ABCC3: variants seen among roughly 807,000 people sequenced by gnomAD.
The protein encoded by ABCC3 is ATP binding cassette subfamily C member 3.
ABCC3 carries 121 observed loss-of-function variants against 165.3 expected under a neutral mutation model. The observed-to-expected ratio is 0.73, with a 90% CI of 0.63 to 0.85. ABCC3 has a LOEUF of 0.85. ABCC3 is among the 40% of genes least tolerant of loss of function. The pLI is 0.00. For synonymous variants in ABCC3, 733 were observed against 810.1 expected (o/e 0.90, Z 1.62); for missense variants, 1,869 against 1,964.1 (o/e 0.95, Z 0.92).
Position 50,683,770 on chromosome 17 carries a change from A to T in ABCC3, c.3954+14A>T. On this transcript the variant is annotated intron_variant, in intron 27 of 30. Coordinates refer to ENST00000285238, the MANE Select transcript of ABCC3 (RefSeq NM_003786.4). ...GGTGGCGAGAAGGTACGCGTGGGGT[A>T]GGCGGGCCTGCGTGTGTGTTCATGC... The T allele has an allele frequency of 1.3e-6, 2 of 1,599,606 alleles. No homozygotes were observed. Among genetic ancestry groups the T allele is most frequent in the Non-Finnish European group, 1.7e-6 (2 of 1,174,906 alleles).
At chr17:50,655,504 G>A (rs922451872) in intron 1 of ABCC3, among the ~76,000 whole-genome samples, 1 of 151,448 alleles carries the variant, frequency 6.6e-6, no homozygotes, top group Admixed American at 6.6e-5. Flanking sequence ...AGGACCATAA[G>A]GTAACATGGG....
Position 50,663,726 on chromosome 17 carries a change from G to C in ABCC3, c.1044G>C (p.Trp348Cys). Residue 348 changes from tryptophan to cysteine, a missense_variant, in exon 9 of 31, where the codon TGG (tryptophan) becomes TGC (cysteine). Coordinates refer to ENST00000285238, the MANE Select transcript of ABCC3 (RefSeq NM_003786.4). The part of the protein sequence containing the change: ...FISNPMAPSW[W>C]GFLVAGLMFL... Reference sequence around the variant, plus strand: ...CCAACCCCATGGCCCCCTCCTGGTGGGGCTTCCTGGTGGCTGGGCTGATGT... The same window carrying C: ...CCAACCCCATGGCCCCCTCCTGGTGCGGCTTCCTGGTGGCTGGGCTGATGT... 2 of 1,614,190 alleles carry C rather than the reference G, an allele frequency of 1.2e-6. No individual in the cohort carries two copies. Among genetic ancestry groups the C allele is most frequent in the Non-Finnish European group, 1.7e-6 (2 of 1,180,038 alleles).
rs373828263 is a variant in ABCC3 at position 50,688,762 on chromosome 17, C to T, written c.4475+1032C>T. 3.6e-4 allele frequency among the ~76,000 whole-genome samples: 55 copies of T among 151,188 alleles called. No homozygotes were observed. In the East Asian group the frequency reaches 6.8e-3, roughly 19 times the overall value. ...AAACAAAACAAAAACAAAAATTTGC[C>T]GGATGTGGTGGTGCATGCCTGTAAT... On this transcript the variant is annotated intron_variant, in intron 30 of 30. Transcript: ENST00000285238.
intron 1 of ABCC3, among the ~76,000 whole-genome samples, chr17:50,644,400 A>G (rs1966958815): frequency 6.7e-6 from 1 of 150,136 alleles, no homozygotes; most frequent in African/African-American, 2.4e-5. Flanking sequence ...CTCCCCTTCC[A>G]TGAGTTGTTT....
At chr17:50,683,803 C>T (rs1473756909) in intron 27 of ABCC3, 47 bp downstream of exon 27, 1 of 1,579,100 alleles carries the variant, frequency 6.3e-7, no homozygotes, top group Non-Finnish European at 8.6e-7. Flanking sequence ...TGCCTGCAGA[C>T]ATGGCCACAG....
At chr17:50,690,836 G>A (rs1007123194) in intron 30 of ABCC3, among the ~76,000 whole-genome samples, 1 of 152,254 alleles carries the variant, frequency 6.6e-6, no homozygotes, top group Non-Finnish European at 1.5e-5. Flanking sequence ...GGGCTCATTA[G>A]GGAAGGTTTT....
chr17:50,668,158 G>T (rs186507699), intron 13 of ABCC3, 149 bp downstream of exon 13: 313 of 790,248 alleles, frequency 4.0e-4, no homozygotes, highest in Non-Finnish European at 5.0e-4. Flanking sequence ...AAGGTTGAAT[G>T]AGGTCATTAA....
intron 19 of ABCC3, among the ~76,000 whole-genome samples, chr17:50,673,964 CT>C (rs1567835504): frequency 4.3e-5 from 1 of 23,224 alleles, no homozygotes; most frequent in African/African-American, 2.1e-4. Context: ...TTCTTTCTTT[CT>C]TTCTTTCTTT....
chr17:50,678,913 C>A (rs1343949215), intron 25 of ABCC3: 1 of 151,234 alleles, frequency 6.6e-6, no homozygotes, highest in Admixed American at 6.6e-5. Context: ...GAGCGAGACT[C>A]CATCTCAAGA....
At chr17:50,641,296 G>T (rs1240833612) in intron 1 of ABCC3, among the ~76,000 whole-genome samples, 2 of 152,346 alleles carry the variant, frequency 1.3e-5, no homozygotes, top group East Asian at 3.9e-4. Flanking sequence ...GGTGATGGTG[G>T]GGGAGGGGGC....
chr17:50,673,938 TTCTTTC>T, intron 19 of ABCC3, among the ~76,000 whole-genome samples: 1 of 15,448 alleles, frequency 6.5e-5, no homozygotes, highest in African/African-American at 3.0e-4. Flanking sequence ...CTTTCTTTCT[TTCTTTC>T]TTTCTTTCTT....
intron 8 of ABCC3, 107 bp downstream of exon 8, chr17:50,661,221 C>A (rs894350641): frequency 4.9e-6 from 6 of 1,212,152 alleles, no homozygotes; most frequent in Non-Finnish European, 6.7e-6. Context: ...AGACCAGGAA[C>A]CAGGGAGGCT....
rs1169756745 is a variant in ABCC3 at position 50,663,646 on chromosome 17, G to A, written c.999-35G>A. The A allele has an allele frequency of 2.5e-6, 4 of 1,609,032 alleles. No individual in the cohort carries two copies. The African/African-American group carries it at 4.0e-5, about 16-fold the overall frequency. ...AGAGGAGGGAGCAGCCATGGGGGCAGCACTGCCCACCTCACTCCTCTCTCC... is the reference window on the plus strand; with the variant it reads ...AGAGGAGGGAGCAGCCATGGGGGCAACACTGCCCACCTCACTCCTCTCTCC... On this transcript the variant is annotated intron_variant, in intron 8 of 30. Coordinates refer to ENST00000285238, the MANE Select transcript of ABCC3 (RefSeq NM_003786.4).
chr17:50,673,900 T>TTCTCTTTC (rs1967705432), intron 19 of ABCC3, among the ~76,000 whole-genome samples: 1 of 131,514 alleles, frequency 7.6e-6, no homozygotes, highest in African/African-American at 2.8e-5. Flanking sequence ...TCAGAGCCTG[T>TTCTCTTTC]TTTCTTTCTT....
At position 50,683,962 on chromosome 17, in the gene ABCC3, G is replaced by C; in HGVS notation, c.3968G>C (p.Gly1323Ala). The C allele has an allele frequency of 2.5e-6, 4 of 1,613,130 alleles. No homozygotes were observed. The highest frequency in any genetic ancestry group is 2.5e-6 in the Non-Finnish European group (3 of 1,179,622). ...TTCTCCGCCCAGGTGGGGATCGTGG[G>C]CCGCACTGGGGCTGGCAAGTCTTCC... ...VHGGEKVGIV[G>A]RTGAGKSSMT... is the part of the protein sequence containing the mutation. The change falls in exon 28 of 31, where the codon GGC becomes GCC. Residue 1323 changes from glycine to alanine, a missense_variant. Gly to Ala is a moderately conservative substitution (Grantham distance 60, BLOSUM62 0). Coordinates refer to ENST00000285238, the MANE Select transcript of ABCC3 (RefSeq NM_003786.4).
intron 30 of ABCC3, among the ~76,000 whole-genome samples, chr17:50,689,745 A>T (rs1968085807): frequency 6.6e-6 from 1 of 152,002 alleles, no homozygotes; most frequent in Admixed American, 6.5e-5. Flanking sequence ...TTAGGACCCC[A>T]CTGGGAGAAG....
Position 50,649,111 on chromosome 17 carries a change from CAA to C in ABCC3, c.46-6705_46-6704del, listed in dbSNP as rs575758407. 9.6e-4 allele frequency among the ~76,000 whole-genome samples: 96 copies of C among 100,148 alleles called. 1 individual carries two copies. Among genetic ancestry groups the C allele is most frequent in the South Asian group, 7.3e-3 (22 of 3,010 alleles). 65.7% of individuals were successfully genotyped at this position (100,148 alleles called of 152,430 possible). A position where few individuals can be genotyped will look rare whatever the true frequency, so the allele number is the denominator to read the frequency against. ...TGGGCGACAGAGGGAGACTCCATCT[CAA>C]AAAAAAAAAAAAAAAGTCACCACAC... On this transcript the variant is annotated intron_variant, in intron 1 of 30. Transcript: ENST00000285238.
chr17:50,669,563 G>T (rs756482646), intron 17 of ABCC3, 35 bp downstream of exon 17: 38 of 1,603,190 alleles, frequency 2.4e-5, no homozygotes, highest in African/African-American at 2.7e-5. Flanking sequence ...AGAGGCTAGG[G>T]CATAGAGCTG....
chr17:50,683,289 G>T lies in ABCC3; in HGVS notation c.3808-321G>T, dbSNP rs1000498620. Among the ~76,000 whole-genome samples the T allele has an allele frequency of 2.0e-5, 3 of 150,646 alleles. No individual in the cohort carries two copies. In the East Asian group the frequency reaches 5.9e-4, roughly 30 times the overall value. On this transcript the variant is annotated intron_variant, in intron 26 of 30. Coordinates refer to ENST00000285238, the MANE Select transcript of ABCC3 (RefSeq NM_003786.4). ...CTAGGGAGGCTGAGGGAGGAGAATC[G>T]CTGGAACCCAGGAGTTCAAGGCTGC...
Sources: gnomAD v4.1 joint callset for allele counts (sites outside exome capture counted in the v4.1 genomes callset) on GRCh38, gnomAD v4.1.1 for gene constraint, MANE v1.5 for transcripts, NCBI Gene and HGNC (gene_info 2026-07-23, HGNC 2026-07-21) for gene names.